The following NLGN1 variants were observed in gnomAD, a reference collection of about 807,000 sequenced individuals.
The protein encoded by NLGN1 is neuroligin-1.
A neutral mutation model predicts 65.5 loss-of-function variants in NLGN1; 12 were observed. The observed-to-expected ratio is 0.18, with a 90% CI of 0.12 to 0.30. The LOEUF (loss-of-function observed/expected upper bound fraction) is 0.30, where lower values mean the gene tolerates loss of function less well. Ranked by LOEUF, NLGN1 falls within the 10% of genes least tolerant of loss-of-function variation. The pLI is 1.00. For synonymous variants in NLGN1, 350 were observed against 359.5 expected, an observed-to-expected ratio of 0.97 and a Z score of 0.30; for missense variants, 750 against 1,007.1, an observed-to-expected ratio of 0.74 and a Z score of 3.46.
intron 4 of NLGN1, among the ~76,000 whole-genome samples, chr3:174,038,069 T>C (rs564753564): frequency 2.0e-5 from 3 of 152,326 alleles, no homozygotes; most frequent in East Asian, 3.9e-4. Context: ...AAGAATGTTA[T>C]GAGGCATGAA....
intron 3 of NLGN1, among the ~76,000 whole-genome samples, chr3:173,791,867 C>T (rs1289881513): frequency 6.6e-6 from 1 of 152,052 alleles, no homozygotes; most frequent in Non-Finnish European, 1.5e-5. Flanking sequence ...TGTTTCTTCA[C>T]CTGTGAAATG....
chr3:173,537,409 C>T (rs929265451), intron 2 of NLGN1, among the ~76,000 whole-genome samples: 4 of 151,920 alleles, frequency 2.6e-5, no homozygotes, highest in Admixed American at 2.6e-4. Flanking sequence ...CATTCCATAA[C>T]TTAAATACTG....
intron 2 of NLGN1, among the ~76,000 whole-genome samples, chr3:173,533,317 T>G (rs192243105): frequency 6.6e-6 from 1 of 152,348 alleles, no homozygotes; most frequent in East Asian, 1.9e-4. Flanking sequence ...TCAAAGAATT[T>G]TTAATTCTTC....
intron 4 of NLGN1, among the ~76,000 whole-genome samples, chr3:174,147,395 G>A (rs1723491411): frequency 8.3e-6 from 1 of 120,000 alleles, no homozygotes; most frequent in Admixed American, 9.0e-5. Flanking sequence ...ATGAAAATCT[G>A]AATTTTTGTG....
intron 4 of NLGN1, among the ~76,000 whole-genome samples, chr3:174,002,139 T>A (rs1229107070): frequency 6.6e-6 from 1 of 152,018 alleles, no homozygotes; most frequent in Non-Finnish European, 1.5e-5. Flanking sequence ...AGTATTTTTT[T>A]AATTTTGAGA....
At chr3:174,113,018 A>G (rs1190963814) in intron 4 of NLGN1, among the ~76,000 whole-genome samples, 1 of 151,972 alleles carries the variant, frequency 6.6e-6, no homozygotes, top group Non-Finnish European at 1.5e-5. Flanking sequence ...AGTATCTTCT[A>G]TAATTCCTTA....
intron 4 of NLGN1, among the ~76,000 whole-genome samples, chr3:174,225,040 C>T (rs1739363970): frequency 6.6e-6 from 1 of 152,132 alleles, no homozygotes; most frequent in South Asian, 2.1e-4. Flanking sequence ...ACTCTTCCCT[C>T]CCACCACTAG....
At chr3:173,989,729 ATCAAAGACCTTCTCC>A (rs1345499251) in intron 4 of NLGN1, among the ~76,000 whole-genome samples, 1 of 152,136 alleles carries the variant, frequency 6.6e-6, no homozygotes, top group Non-Finnish European at 1.5e-5. Context: ...TAATTATGTA[ATCAAAGACCTTCTCC>A]TCCCACCCTT....
intron 4 of NLGN1, among the ~76,000 whole-genome samples, chr3:174,061,121 T>C (rs2152518468): frequency 6.6e-6 from 1 of 152,148 alleles, no homozygotes; most frequent in African/African-American, 2.4e-5. Context: ...ACCTTGGTGT[T>C]GTGTGCCATT....
At chr3:173,965,214 A>G (rs561098722) in intron 4 of NLGN1, among the ~76,000 whole-genome samples, 16 of 152,052 alleles carry the variant, frequency 1.1e-4, no homozygotes, top group Non-Finnish European at 2.1e-4. Flanking sequence ...AAATCTAAGA[A>G]CTCCAGTTAC....
At chr3:173,660,124 G>A (rs902121239) in intron 3 of NLGN1, among the ~76,000 whole-genome samples, 6 of 151,788 alleles carry the variant, frequency 4.0e-5, no homozygotes, top group African/African-American at 9.7e-5. Flanking sequence ...TAGAGACAGC[G>A]GAGGCAGGTG....
At chr3:174,189,271 A>G (rs1330133200) in intron 4 of NLGN1, among the ~76,000 whole-genome samples, 1 of 152,012 alleles carries the variant, frequency 6.6e-6, no homozygotes, top group Admixed American at 6.6e-5. Flanking sequence ...CCCAACCCCT[A>G]TGCCCTCAGA....
chr3:173,918,702 GTATA>G (rs763046532), intron 4 of NLGN1, among the ~76,000 whole-genome samples: 825 of 67,972 alleles, frequency 0.012, 7 homozygotes, highest in East Asian at 0.063. Flanking sequence ...GTGTGTGTGT[GTATA>G]TATATATATT....
At chr3:173,471,005 C>G (rs905631063) in intron 2 of NLGN1, among the ~76,000 whole-genome samples, 1 of 152,014 alleles carries the variant, frequency 6.6e-6, no homozygotes, top group Non-Finnish European at 1.5e-5. Flanking sequence ...CTTGCATGCT[C>G]TGGAATGAGC....
intron 3 of NLGN1, among the ~76,000 whole-genome samples, chr3:173,649,421 T>C (rs1460806250): frequency 6.6e-6 from 1 of 152,180 alleles, no homozygotes; most frequent in Non-Finnish European, 1.5e-5. Context: ...CATACATATG[T>C]CAATACATAT....
Position 173,795,782 on chromosome 3 carries a change from G to GAAT in NLGN1, c.494-11896_494-11894dup, listed in dbSNP as rs1713915095. Among the ~76,000 whole-genome samples the GAAT allele has an allele frequency of 4.6e-5, 7 of 152,144 alleles. No individual in the cohort carries two copies. The South Asian group carries it at 1.2e-3, about 27-fold the overall frequency. ...TTATAAACTAAATTTTACCCCAAGA[G>GAAT]AATACATCCTTGAGAACATTTAGCC... is the stretch of plus-strand genomic sequence containing the variant. On this transcript the variant is annotated intron_variant, in intron 3 of 6. Coordinates refer to ENST00000457714, the Ensembl canonical transcript of NLGN1.
intron 4 of NLGN1, among the ~76,000 whole-genome samples, chr3:174,001,609 C>T (rs755422739): frequency 1.3e-5 from 2 of 152,128 alleles, no homozygotes; most frequent in African/African-American, 2.4e-5. Context: ...ATATTCTGCA[C>T]CCATGCATCT....
chr3:174,282,663 A>G (rs1451939429), exon 7 of NLGN1: 2 of 152,142 alleles, frequency 1.3e-5, no homozygotes, highest in African/African-American at 2.4e-5. Flanking sequence ...CAGTAACAGT[A>G]TATCACAGAC....
At chr3:174,213,005 C>T (rs1433871027) in intron 4 of NLGN1, among the ~76,000 whole-genome samples, 1 of 152,150 alleles carries the variant, frequency 6.6e-6, no homozygotes, top group Non-Finnish European at 1.5e-5. Flanking sequence ...CTGGATAATC[C>T]AGGATACTAT....
Sources: allele counts gnomAD v4.1 joint callset (sites outside exome capture counted in the v4.1 genomes callset), GRCh38; gene constraint gnomAD v4.1.1; transcripts MANE v1.5; gene names NCBI Gene and HGNC (gene_info 2026-07-23, HGNC 2026-07-21).